Variants in TMEM71 observed in about 807,000 individuals in gnomAD.
TMEM71 encodes transmembrane protein 71.
Under a neutral mutation model 38.0 loss-of-function variants are expected in TMEM71, and 44 were observed. The observed-to-expected ratio is 1.16, with a 90% CI of 0.91 to 1.49. TMEM71 has a LOEUF of 1.49. TMEM71 is among the 40% of genes most tolerant of loss of function. TMEM71 has a pLI of 0.00. For missense variants in TMEM71, 367 were observed against 348.6 expected (o/e 1.05, Z -0.42); for synonymous variants, 133 against 122.5 (o/e 1.09, Z -0.56).
intron 1 of TMEM71, chr8:132,759,281 C>G (rs1187982473): frequency 1.9e-5 from 3 of 159,260 alleles, no homozygotes; most frequent in Non-Finnish European, 4.1e-5. Flanking sequence ...AGTCATTTAG[C>G]CCCAAAACAA....
chr8:132,718,790 A>C (rs1826680047), intron 7 of TMEM71, among the ~76,000 whole-genome samples: 1 of 152,218 alleles, frequency 6.6e-6, no homozygotes, highest in Admixed American at 6.5e-5. Flanking sequence ...AAAAAGTGTG[A>C]CCAAGCATTT....
the TMEM71 span, among the ~76,000 whole-genome samples, chr8:132,766,879 G>T: frequency 6.6e-6 from 1 of 151,774 alleles, no homozygotes; most frequent in Non-Finnish European, 1.5e-5. Context: ...CAGACTTCCA[G>T]TCCAGAATCC....
chr8:132,762,406 C>T (rs1009343777), upstream of TMEM71, among the ~76,000 whole-genome samples: 2 of 152,026 alleles, frequency 1.3e-5, no homozygotes, highest in African/African-American at 4.8e-5. Flanking sequence ...CTGACTTATT[C>T]GAGACCCTCT....
chr8:132,711,095 T>A (rs1227329886), intron 9 of TMEM71, 113 bp from the exon 10 acceptor site: 1 of 913,350 alleles, frequency 1.1e-6, no homozygotes, highest in Non-Finnish European at 1.7e-6. Context: ...CCCACACCCA[T>A]ACCCACAACG....
chr8:132,744,716 A>G (rs997851920), intron 5 of TMEM71, among the ~76,000 whole-genome samples: 1 of 152,224 alleles, frequency 6.6e-6, no homozygotes, highest in Admixed American at 6.5e-5. Flanking sequence ...GAATTTGAAT[A>G]GCCAAAGCAA....
At chr8:132,757,318 G>A (rs1277573478) in intron 2 of TMEM71, 24 bp from the exon 3 acceptor site, 1 of 1,496,122 alleles carries the variant, frequency 6.7e-7, no homozygotes, top group East Asian at 2.3e-5. Context: ...TGAGAGAGAA[G>A]TAGAATGTAT....
At chr8:132,729,127 C>T (rs1335104015) in intron 5 of TMEM71, among the ~76,000 whole-genome samples, 1 of 152,196 alleles carries the variant, frequency 6.6e-6, no homozygotes. Flanking sequence ...TTCAAACATG[C>T]TAAGATGATT....
At chr8:132,717,937 G>T (rs1259272832) in intron 7 of TMEM71, among the ~76,000 whole-genome samples, 1 of 152,192 alleles carries the variant, frequency 6.6e-6, no homozygotes, top group African/African-American at 2.4e-5. Flanking sequence ...ACTGATACAT[G>T]CTACAACATG....
rs139679751 is a variant in TMEM71 at position 132,757,254 on chromosome 8, A to T, written c.81T>A (p.Ser27=). The part of the protein sequence containing the change: ...RLEREYAGEL[S]PTCIFPSFTC... ...TATACCTTGGGAAAATGCACGTGGG[A>T]GACAGCTCTCCAGCATATTCTCTTT... The change falls in exon 3 of 10, where the codon TCT becomes TCA. Residue 27 remains serine, a synonymous_variant. Transcript: ENST00000677595. The T allele has an allele frequency of 1.2e-6, 2 of 1,611,228 alleles. No individual in the cohort carries two copies. The highest frequency in any genetic ancestry group is 2.7e-5 in the African/African-American group (2 of 74,932).
chr8:132,775,396 C>A, the TMEM71 span: 2 of 379,706 alleles, frequency 5.3e-6, no homozygotes, highest in East Asian at 3.9e-5. Context: ...TCAGGGCTGG[C>A]CGGCGGCGGA....
chr8:132,751,515 G>A (rs1416633167), intron 4 of TMEM71, among the ~76,000 whole-genome samples: 1 of 152,174 alleles, frequency 6.6e-6, no homozygotes, highest in Admixed American at 6.5e-5. Context: ...TTTCATGCTG[G>A]CTATGCCCAT....
chr8:132,755,965 A>T (rs1828980800), intron 3 of TMEM71, among the ~76,000 whole-genome samples: 1 of 152,130 alleles, frequency 6.6e-6, no homozygotes, highest in Non-Finnish European at 1.5e-5. Flanking sequence ...AGTCTATCTG[A>T]CTCTAAAACA....
the TMEM71 span, among the ~76,000 whole-genome samples, chr8:132,772,055 G>T: frequency 6.6e-6 from 1 of 152,090 alleles, no homozygotes; most frequent in Non-Finnish European, 1.5e-5. Flanking sequence ...AAAAAAACTT[G>T]AACTGCTTTG....
At chr8:132,761,499 G>A (rs893022869), upstream of TMEM71, among the ~76,000 whole-genome samples, 6 of 152,198 alleles carry the variant, frequency 3.9e-5, no homozygotes, top group East Asian at 1.9e-4. Flanking sequence ...TCCGGCTGGC[G>A]GAAAAGTTAA....
chr8:132,744,748 C>T (rs768025139), intron 5 of TMEM71, among the ~76,000 whole-genome samples: 3 of 152,076 alleles, frequency 2.0e-5, no homozygotes, highest in Non-Finnish European at 2.9e-5. Flanking sequence ...AAGAACAAAG[C>T]CAGAGGCATC....
chr8:132,726,161 A>C (rs879712580), intron 6 of TMEM71, among the ~76,000 whole-genome samples: 9 of 151,992 alleles, frequency 5.9e-5, no homozygotes, highest in Non-Finnish European at 8.8e-5. Flanking sequence ...AGCACCAAGA[A>C]GGGTGGGCTC....
chr8:132,750,775 C>A (rs1426507233), intron 4 of TMEM71, among the ~76,000 whole-genome samples: 1 of 152,124 alleles, frequency 6.6e-6, no homozygotes, highest in South Asian at 2.1e-4. Context: ...TCAGACATGC[C>A]CGTCCTTTCT....
At chr8:132,773,697 C>T in the TMEM71 span, among the ~76,000 whole-genome samples, 1 of 152,154 alleles carries the variant, frequency 6.6e-6, no homozygotes, top group African/African-American at 2.4e-5. Context: ...ACATCATTAG[C>T]AACTTCTGAT....
At chr8:132,762,605 C>T (rs1431487987), upstream of TMEM71, among the ~76,000 whole-genome samples, 1 of 152,102 alleles carries the variant, frequency 6.6e-6, no homozygotes, top group East Asian at 1.9e-4. Context: ...CATATCAACA[C>T]ATTAATTGTT....
Sources: gnomAD v4.1 joint callset for allele counts (sites outside exome capture counted in the v4.1 genomes callset) on GRCh38, gnomAD v4.1.1 for gene constraint, MANE v1.5 for transcripts, NCBI Gene and HGNC (gene_info 2026-07-23, HGNC 2026-07-21) for gene names.